ZFHX3: variants seen among roughly 807,000 people sequenced by gnomAD.
ZFHX3 encodes the protein zinc finger homeobox 3.
A neutral mutation model predicts 279.1 loss-of-function variants in ZFHX3; 42 were observed. The ratio of observed to expected loss-of-function variants is 0.15; its 90% CI spans 0.12 to 0.19. ZFHX3 has a LOEUF of 0.19. Among genes scored for constraint, ZFHX3 ranks in the 10% least tolerant of loss-of-function variants. The probability of loss-of-function intolerance (pLI) is 1.00; values close to 1 mark genes in which losing one functional copy is unlikely to be tolerated. For synonymous variants in ZFHX3, 2,293 were observed against 1,957.8 expected, an observed-to-expected ratio of 1.17 and a Z score of -4.52; for missense variants, 4,981 against 4,754.0, an observed-to-expected ratio of 1.05 and a Z score of -1.40.
intron 1 of ZFHX3, among the ~76,000 whole-genome samples, chr16:73,761,053 T>C (rs2053860426): frequency 6.6e-6 from 1 of 151,782 alleles, no homozygotes; most frequent in South Asian, 2.1e-4. Flanking sequence ...TGTCCATGTT[T>C]GCAGATGACA....
At chr16:73,419,493 T>G (rs888815105) in intron 3 of ZFHX3, among the ~76,000 whole-genome samples, 1 of 152,230 alleles carries the variant, frequency 6.6e-6, no homozygotes, top group African/African-American at 2.4e-5. Context: ...CAGCCTTTGA[T>G]GCCTTGGTGG....
Position 72,797,219 on chromosome 16 carries a change from T to G in ZFHX3, c.5463A>C (p.Ala1821=), listed in dbSNP as rs1373309006. ...CTGGGCCTGTCCCAGTCAGTGTCAG[T>G]GCCCCACTGGTCACTGGCAAGCTCA... The part of the protein sequence containing the change: ...PEVSLPVTSG[A]LTLTGTGPGL... The change falls in exon 9 of 10, where the codon GCA becomes GCC. Residue 1821 remains alanine, a synonymous_variant. Transcript: ENST00000268489. The G allele has an allele frequency of 6.2e-7, 1 of 1,614,006 alleles. No homozygotes were observed. Among genetic ancestry groups the G allele is most frequent in the Non-Finnish European group, 8.5e-7 (1 of 1,179,988 alleles).
chr16:73,861,997 T>C lies in ZFHX3; in HGVS notation c.-1608+29654A>G, dbSNP rs374732431. On this transcript the variant is annotated intron_variant, in intron 1 of 17. Coordinates refer to the ZFHX3 transcript ENST00000641206. Reference sequence around the variant, plus strand: ...CTTTCCACATTTTGAAAGTTATCTATAGTTAACTACCCACCTTCCCAAGGA... The same window carrying C: ...CTTTCCACATTTTGAAAGTTATCTACAGTTAACTACCCACCTTCCCAAGGA... Among the ~76,000 whole-genome samples, 33 of 152,342 alleles carry C rather than the reference T, an allele frequency of 2.2e-4. 3 individuals carry two copies. The highest frequency in any genetic ancestry group is 1.6e-3 in the Admixed American group (24 of 15,308).
chr16:73,605,696 G>T (rs1192962074), intron 2 of ZFHX3, among the ~76,000 whole-genome samples: 1 of 151,860 alleles, frequency 6.6e-6, no homozygotes, highest in Non-Finnish European at 1.5e-5. Context: ...GCATAGAACT[G>T]GGGGGCTGGA....
chr16:73,340,463 C>T (rs956443735), intron 3 of ZFHX3, among the ~76,000 whole-genome samples: 2 of 152,204 alleles, frequency 1.3e-5, no homozygotes, highest in Non-Finnish European at 2.9e-5. Flanking sequence ...CTCAAGCAAT[C>T]CTCCCACCTC....
intron 3 of ZFHX3, among the ~76,000 whole-genome samples, chr16:73,332,248 A>T (rs542799249): frequency 2.1e-4 from 32 of 152,374 alleles, no homozygotes; most frequent in African/African-American, 7.7e-4. Flanking sequence ...GTCATTGAGA[A>T]ACAGAGATTA....
Position 73,751,072 on chromosome 16 carries a change from G to A in ZFHX3, c.-1607-70832C>T, listed in dbSNP as rs115653255. ...TTTTGCATCCATTTAATTGAAGTGTGGTGACTCTGTTGTGGGGAATAAACA... is the reference window on the plus strand; with the variant it reads ...TTTTGCATCCATTTAATTGAAGTGTAGTGACTCTGTTGTGGGGAATAAACA... On this transcript the variant is annotated intron_variant, in intron 1 of 17. Transcript: ENST00000641206. Among the ~76,000 whole-genome samples, 850 of 152,204 alleles carry A rather than the reference G, an allele frequency of 5.6e-3. 7 individuals are homozygous for A. Among genetic ancestry groups the A allele is most frequent in the African/African-American group, 0.019 (809 of 41,518 alleles).
chr16:73,409,183 A>G (rs748535773), intron 3 of ZFHX3, among the ~76,000 whole-genome samples: 8 of 152,220 alleles, frequency 5.3e-5, no homozygotes, highest in Non-Finnish European at 1.2e-4. Context: ...AAGGTACAGC[A>G]TTGCAGAGAA....
chr16:73,057,988 G>A (rs1162801914), intron 1 of ZFHX3, among the ~76,000 whole-genome samples: 2 of 147,716 alleles, frequency 1.4e-5, no homozygotes, highest in Non-Finnish European at 3.0e-5. Context: ...GTTGGGGGCC[G>A]GGAGCGGCGG....
chr16:73,262,182 G>C (rs1334699931), intron 4 of ZFHX3, among the ~76,000 whole-genome samples: 1 of 152,170 alleles, frequency 6.6e-6, no homozygotes, highest in African/African-American at 2.4e-5. Context: ...AAGAATGAAT[G>C]GATGGATGGG....
chr16:73,308,339 G>T (rs1028878921), intron 4 of ZFHX3, among the ~76,000 whole-genome samples: 1 of 141,004 alleles, frequency 7.1e-6, no homozygotes, highest in Non-Finnish European at 1.6e-5. Context: ...GTGCAATGGC[G>T]CAATCTCTGC....
At chr16:73,877,445 T>A (rs776343381) in intron 1 of ZFHX3, among the ~76,000 whole-genome samples, 2 of 152,148 alleles carry the variant, frequency 1.3e-5, no homozygotes, top group Non-Finnish European at 2.9e-5. Context: ...TGATTGGTGA[T>A]ATTGAAAAAA....
At chr16:72,944,883 A>T (rs539941089) in intron 3 of ZFHX3, among the ~76,000 whole-genome samples, 577 of 152,366 alleles carry the variant, frequency 3.8e-3, no homozygotes, top group Non-Finnish European at 6.6e-3. Context: ...ATTTAGAAAA[A>T]AGAGAATAAA....
At chr16:73,369,426 C>T (rs2016583815) in intron 3 of ZFHX3, among the ~76,000 whole-genome samples, 1 of 152,206 alleles carries the variant, frequency 6.6e-6, no homozygotes, top group Non-Finnish European at 1.5e-5. Context: ...AATCGAATGC[C>T]CGTGAAGCCA....
intron 1 of ZFHX3, among the ~76,000 whole-genome samples, chr16:73,758,967 G>A (rs1043060737): frequency 6.6e-6 from 1 of 152,188 alleles, no homozygotes; most frequent in Non-Finnish European, 1.5e-5. Context: ...TGTGGGTGGT[G>A]CATGGGCATT....
chr16:72,994,562 C>A (rs1239264431), intron 1 of ZFHX3, among the ~76,000 whole-genome samples: 7 of 152,204 alleles, frequency 4.6e-5, no homozygotes, highest in African/African-American at 1.7e-4. Flanking sequence ...GCAGCCTATC[C>A]GACTCCTACC....
intron 3 of ZFHX3, among the ~76,000 whole-genome samples, chr16:72,948,516 G>A (rs1161662319): frequency 2.6e-5 from 4 of 152,164 alleles, no homozygotes; most frequent in African/African-American, 9.7e-5. Context: ...ACAGTTTGGG[G>A]ACCAAAACAG....
At chr16:72,991,813 C>A (rs963334388) in intron 1 of ZFHX3, among the ~76,000 whole-genome samples, 1 of 152,164 alleles carries the variant, frequency 6.6e-6, no homozygotes. Flanking sequence ...TGGCCAGGGG[C>A]TAGATGGTTC....
intron 5 of ZFHX3, among the ~76,000 whole-genome samples, chr16:73,224,241 G>A (rs2012518082): frequency 1.3e-5 from 2 of 152,126 alleles, no homozygotes; most frequent in African/African-American, 4.8e-5. Context: ...TTCTGGTCGT[G>A]GATATTAATA....
Sources: allele counts gnomAD v4.1 joint callset (sites outside exome capture counted in the v4.1 genomes callset), GRCh38; gene constraint gnomAD v4.1.1; transcripts MANE v1.5; gene names NCBI Gene and HGNC (gene_info 2026-07-23, HGNC 2026-07-21).